HUWE1: variants seen among roughly 807,000 people sequenced by gnomAD.
HUWE1 encodes the protein HECT, UBA and WWE domain containing E3 ubiquitin protein ligase 1.
In HUWE1, 18 loss-of-function variants were observed where a neutral mutation model predicts 299.4. The observed-to-expected ratio is 0.06, with a 90% confidence interval of 0.04 to 0.09. HUWE1 has a LOEUF of 0.09. Ranked by LOEUF, HUWE1 falls within the 10% of genes least tolerant of loss-of-function variation. The probability of loss-of-function intolerance (pLI) is 1.00; values close to 1 mark genes in which losing one functional copy is unlikely to be tolerated. For synonymous variants in HUWE1, 1,317 were observed against 1,286.1 expected (o/e 1.02, Z -0.51); for missense variants, 1,832 against 3,462.3 (o/e 0.53, Z 11.82).
chrX:53,614,052 G>A (rs12838744), intron 23 of HUWE1, among the ~76,000 whole-genome samples: 44,752 of 110,207 alleles, frequency 0.41, 8,067 homozygotes, highest in Non-Finnish European at 0.54. Flanking sequence ...ATCACCTGAC[G>A]TCGGGAGTTT....
intron 63 of HUWE1, 129 bp from the exon 64 acceptor site, chrX:53,551,609 C>A (rs1472169282): frequency 1.0e-5 from 6 of 585,202 alleles, no homozygotes. Context: ...AGCTCCTGGG[C>A]TCGAGTCTTC....
intron 47 of HUWE1, 130 bp downstream of exon 47, chrX:53,573,620 A>C (rs2062947375): frequency 1.8e-6 from 1 of 568,885 alleles, no homozygotes; most frequent in African/African-American, 2.2e-5. Flanking sequence ...GCATGTCTGA[A>C]GATGCCTCTT....
intron 52 of HUWE1, among the ~76,000 whole-genome samples, chrX:53,563,141 G>C (rs1245202264): frequency 8.9e-6 from 1 of 112,289 alleles, no homozygotes; most frequent in Non-Finnish European, 1.9e-5. Context: ...AAAACAGGAT[G>C]ATCACATCTG....
In HUWE1 at chrX:53,560,170, C is replaced by T; in HGVS notation, c.7736+18G>A. On this transcript the variant is annotated intron_variant, in intron 56 of 83. Coordinates refer to ENST00000262854, the MANE Select transcript of HUWE1 (RefSeq NM_031407.7). ...CTTACAAGAGCTCCGATGAATCCAA[C>T]AGATCTCTGTAACTCACCTCTGCAG... 3.5e-6 allele frequency: 4 copies of T among 1,146,371 alleles called. No individual in the cohort carries two copies. The highest frequency in any genetic ancestry group is 4.7e-6 in the Non-Finnish European group (4 of 852,311). The allele number at this position is 1,146,371 out of a possible 1,213,427, so 94.5% of individuals were successfully genotyped here. A position where few individuals can be genotyped will look rare whatever the true frequency, so the allele number is the denominator to read the frequency against.
rs369500881 is a variant in HUWE1, at chrX:53,540,346, CCT to C, written c.11477-536_11477-535del. On this transcript the variant is annotated intron_variant, in intron 74 of 83. Transcript: ENST00000262854. ...AGTCTAATGCCTTTTTTTTTTTTTCCCTGAGACAGTCTCGTTCTGTCGCCCAG... is the reference window on the plus strand; with the variant it reads ...AGTCTAATGCCTTTTTTTTTTTTTCCGAGACAGTCTCGTTCTGTCGCCCAG... 7.0e-3 allele frequency among the ~76,000 whole-genome samples: 763 copies of C among 108,764 alleles called. 6 individuals carry two copies. The highest frequency in any genetic ancestry group is 0.019 in the Middle Eastern group (4 of 215). 94.4% of individuals were successfully genotyped at this position (108,764 alleles called of 115,157 possible).
At position 53,535,503 on chromosome X, in the gene HUWE1, T is replaced by TA. The variant is rs782354759; in HGVS notation, c.12532-3dup. On this transcript the variant is annotated splice_region_variant and splice_polypyrimidine_tract_variant and intron_variant, in intron 80 of 83. Coordinates refer to ENST00000262854, the MANE Select transcript of HUWE1 (RefSeq NM_031407.7). The stretch of plus-strand genomic sequence containing the variant: ...TTCACAAACTCCAAACTCTTGGACC[T>TA]AGAACAACCAAAACACCAATCATAC... 2 of 1,136,382 alleles carry TA rather than the reference T, an allele frequency of 1.8e-6. No individual in the cohort carries two copies. The highest frequency in any genetic ancestry group is 2.4e-6 in the Non-Finnish European group (2 of 827,622). The allele number at this position is 1,136,382 out of a possible 1,213,427, so 93.7% of individuals were successfully genotyped here.
At chrX:53,535,053 C>T (rs1438818155) in intron 81 of HUWE1, among the ~76,000 whole-genome samples, 3 of 110,091 alleles carry the variant, frequency 2.7e-5, no homozygotes, top group Non-Finnish European at 5.7e-5. Flanking sequence ...TCTTCTGTCT[C>T]AGTCTCCCGA....
chrX:53,562,490 C>T (rs782608929), intron 53 of HUWE1, among the ~76,000 whole-genome samples: 2 of 111,169 alleles, frequency 1.8e-5, no homozygotes, highest in East Asian at 5.7e-4. Context: ...CTTGAGGAGC[C>T]ATGGTCTAGG....
rs111391392 is a variant in HUWE1 at position 53,662,629 on chromosome X, T to C, written c.-24-8498A>G. Reference sequence around the variant, plus strand: ...AGTACCTAGCACGGTATCTTCCACATGATAGGTATGCAAATATTTGTAGAA... The same window carrying C: ...AGTACCTAGCACGGTATCTTCCACACGATAGGTATGCAAATATTTGTAGAA... On this transcript the variant is annotated intron_variant, in intron 3 of 83. Coordinates refer to ENST00000262854, the MANE Select transcript of HUWE1 (RefSeq NM_031407.7). Among the ~76,000 whole-genome samples the C allele has an allele frequency of 3.9e-3, 438 of 112,196 alleles. 2 individuals are homozygous for C. The highest frequency in any genetic ancestry group is 0.014 in the African/African-American group (425 of 30,867).
At chrX:53,664,058 G>T (rs886273520) in intron 3 of HUWE1, among the ~76,000 whole-genome samples, 2 of 110,233 alleles carry the variant, frequency 1.8e-5, no homozygotes, top group Non-Finnish European at 1.9e-5. Flanking sequence ...TTTGTAATTT[G>T]TTTTTTTAAA....
chrX:53,584,125 T>C (rs1485863274), intron 41 of HUWE1, 61 bp downstream of exon 41: 14 of 1,051,972 alleles, frequency 1.3e-5, no homozygotes, highest in Non-Finnish European at 1.9e-5. Flanking sequence ...CACAATGAAA[T>C]TGGCCAGACC....
intron 61 of HUWE1, among the ~76,000 whole-genome samples, chrX:53,554,115 A>T (rs2061889645): frequency 8.9e-6 from 1 of 111,769 alleles, no homozygotes; most frequent in Non-Finnish European, 1.9e-5. Flanking sequence ...CTTTAAAGTC[A>T]GACAGATCTG....
At chrX:53,541,433 CA>C (rs1161806437) in intron 74 of HUWE1, among the ~76,000 whole-genome samples, 79 of 103,198 alleles carry the variant, frequency 7.7e-4, no homozygotes, top group African/African-American at 2.0e-3. Flanking sequence ...ACTAAAAATA[CA>C]AAAAAAAAAA....
chrX:53,590,539 A>G (rs2064101242), intron 34 of HUWE1, 40 bp from the exon 35 acceptor site: 1 of 992,146 alleles, frequency 1.0e-6, no homozygotes. Context: ...ATACACACTC[A>G]AAACAAAGAA....
At chrX:53,648,652 TA>T (rs200874374) in intron 4 of HUWE1, among the ~76,000 whole-genome samples, 3 of 88,046 alleles carry the variant, frequency 3.4e-5, no homozygotes, top group Non-Finnish European at 4.4e-5. Flanking sequence ...GTTAAACATC[TA>T]AAAAAAAAAA....
At chrX:53,579,873 G>C (rs1556965195) in intron 43 of HUWE1, 3 of 96,482 alleles carry the variant, frequency 3.1e-5, no homozygotes, top group African/African-American at 1.2e-4. Context: ...TTTATCTGCT[G>C]ACCTTCCCTC....
At chrX:53,608,818 AT>A (rs782413202) in intron 24 of HUWE1, 33 bp downstream of exon 24, 2 of 893,974 alleles carry the variant, frequency 2.2e-6, no homozygotes, top group South Asian at 3.9e-5. Flanking sequence ...GCACATATAC[AT>A]CTTTACTCAG....
Position 53,546,485 on chromosome X carries a change from C to G in HUWE1, c.10866G>C (p.Leu3622=), listed in dbSNP as rs1330052292. 8.3e-7 allele frequency: 1 copy of G among 1,209,098 alleles called. No individual in the cohort carries two copies. The highest frequency in any genetic ancestry group is 1.1e-6 in the Non-Finnish European group (1 of 894,757). ...DSGTRDTVLK[L]LLNGARHLGY... is the part of the protein sequence containing the mutation. ...CCAGATGGCGGGCTCCATTCAGTAG[C>G]AGCTTGAGAACAGTGTCCCGGGTCC... The change falls in exon 70 of 84, where the codon CTG becomes CTC. Residue 3622 remains leucine, a synonymous_variant. Transcript: ENST00000262854.
intron 73 of HUWE1, chrX:53,542,892 T>TGTGC (rs2061408315): frequency 1.7e-5 from 3 of 174,524 alleles, no homozygotes; most frequent in African/African-American, 1.0e-4. Context: ...TGTGTGTGTG[T>TGTGC]ATAAAAAATT....
Sources: allele counts gnomAD v4.1 joint callset (sites outside exome capture counted in the v4.1 genomes callset), GRCh38; gene constraint gnomAD v4.1.1; transcripts MANE v1.5; gene names NCBI Gene and HGNC (gene_info 2026-07-23, HGNC 2026-07-21).